CTNNA3: variants seen among roughly 807,000 people sequenced by gnomAD.
The protein encoded by CTNNA3 is catenin alpha 3, also known as catenin alpha-3.
Under a neutral mutation model 95.7 loss-of-function variants are expected in CTNNA3, and 76 were observed. That is an observed-to-expected ratio of 0.79 (90% confidence interval 0.66 to 0.96). CTNNA3 has a LOEUF of 0.96. Among genes scored for constraint, CTNNA3 ranks in the 40% least tolerant of loss-of-function variants. CTNNA3 has a pLI of 0.00. For synonymous variants in CTNNA3, 431 were observed against 374.4 expected, an observed-to-expected ratio of 1.15 and a Z score of -1.74; for missense variants, 1,191 against 1,089.8, an observed-to-expected ratio of 1.09 and a Z score of -1.31.
chr10:67,002,625 C>T (rs1194757769), intron 7 of CTNNA3, among the ~76,000 whole-genome samples: 4 of 152,112 alleles, frequency 2.6e-5, no homozygotes, highest in Admixed American at 2.0e-4. Context: ...TGTTTAATGG[C>T]TCTAATGGCT....
chr10:67,120,120 T>C (rs1859387148), intron 7 of CTNNA3, among the ~76,000 whole-genome samples: 1 of 151,894 alleles, frequency 6.6e-6, no homozygotes, highest in Non-Finnish European at 1.5e-5. Flanking sequence ...AAGTCAGATC[T>C]GCAAATCCAC....
intron 9 of CTNNA3, among the ~76,000 whole-genome samples, chr10:66,719,831 A>G (rs923986606): frequency 1.3e-5 from 2 of 152,110 alleles, no homozygotes; most frequent in African/African-American, 4.8e-5. Flanking sequence ...TTTGGCCTCA[A>G]TGGTAGCAGC....
At chr10:66,685,298 T>C (rs1186141164) in intron 9 of CTNNA3, among the ~76,000 whole-genome samples, 19 of 92,466 alleles carry the variant, frequency 2.1e-4, no homozygotes, top group African/African-American at 5.1e-4. Context: ...TATATATGTG[T>C]GTATATATAT....
At chr10:66,411,434 T>C (rs778990796) in intron 11 of CTNNA3, among the ~76,000 whole-genome samples, 2 of 151,976 alleles carry the variant, frequency 1.3e-5, no homozygotes, top group Non-Finnish European at 2.9e-5. Context: ...ATCATTACTA[T>C]ATTATATAAA....
chr10:66,917,740 T>C (rs1399630747), intron 7 of CTNNA3, among the ~76,000 whole-genome samples: 1 of 152,182 alleles, frequency 6.6e-6, no homozygotes, highest in Non-Finnish European at 1.5e-5. Flanking sequence ...GTTGAAACTA[T>C]TATATACAGT....
intron 11 of CTNNA3, among the ~76,000 whole-genome samples, chr10:66,419,574 A>C (rs1474139572): frequency 6.6e-6 from 1 of 152,174 alleles, no homozygotes; most frequent in African/African-American, 2.4e-5. Flanking sequence ...AATAACCAGA[A>C]TATCCAAAGC....
At chr10:67,680,939 T>C (rs1840614387) in intron 1 of CTNNA3, among the ~76,000 whole-genome samples, 1 of 152,150 alleles carries the variant, frequency 6.6e-6, no homozygotes, top group Non-Finnish European at 1.5e-5. Context: ...AATCAATGGC[T>C]CACTTTCTTA....
rs57644952 is a variant in CTNNA3, at chr10:66,170,241, CTT to C, written c.1885-66994_1885-66993del. On this transcript the variant is annotated intron_variant, in intron 13 of 17. Coordinates refer to ENST00000433211, the MANE Select transcript of CTNNA3 (RefSeq NM_013266.4). Reference sequence around the variant, plus strand: ...CCAGTTGCATTCTCCTCCTCATTGTCTTTTTTTTTTTTTTTTTTTTTTTTTAG... The same window carrying C: ...CCAGTTGCATTCTCCTCCTCATTGTCTTTTTTTTTTTTTTTTTTTTTTTAG... Among the ~76,000 whole-genome samples, 360 of 73,324 alleles carry C rather than the reference CTT, an allele frequency of 4.9e-3. 5 individuals are homozygous for C. The highest frequency in any genetic ancestry group is 0.041 in the East Asian group (95 of 2,298). The allele number at this position is 73,324 out of a possible 152,430, so 48.1% of individuals were successfully genotyped here.
At chr10:66,023,128 A>G (rs1383988692) in intron 15 of CTNNA3, among the ~76,000 whole-genome samples, 1 of 152,224 alleles carries the variant, frequency 6.6e-6, no homozygotes, top group African/African-American at 2.4e-5. Flanking sequence ...AACAAAACAT[A>G]TCATGAACTT....
chr10:66,675,135 A>G (rs7912799), intron 9 of CTNNA3, among the ~76,000 whole-genome samples: 83,534 of 151,308 alleles, frequency 0.55, 23,734 homozygotes, highest in African/African-American at 0.68. Flanking sequence ...TTCTGCTGGA[A>G]AGACTGTCTA....
chr10:67,029,010 T>A (rs1213150227), intron 7 of CTNNA3, among the ~76,000 whole-genome samples: 3 of 152,186 alleles, frequency 2.0e-5, no homozygotes, highest in Admixed American at 2.0e-4. Context: ...CTAAGTGTTT[T>A]CTCTGTGCTT....
At chr10:66,199,987 C>A (rs1349363739) in intron 13 of CTNNA3, among the ~76,000 whole-genome samples, 1 of 149,768 alleles carries the variant, frequency 6.7e-6, no homozygotes, top group African/African-American at 2.5e-5. Context: ...CTATGGGCAT[C>A]AAATGAACAG....
chr10:67,518,076 A>T (rs537569759), intron 5 of CTNNA3, among the ~76,000 whole-genome samples: 26 of 152,102 alleles, frequency 1.7e-4, no homozygotes, highest in Non-Finnish European at 3.2e-4. Context: ...AAAGCAAGCT[A>T]TTTAAGTTAG....
intron 9 of CTNNA3, among the ~76,000 whole-genome samples, chr10:66,644,412 C>G (rs1327800834): frequency 1.4e-5 from 2 of 146,820 alleles, no homozygotes. Context: ...TATTTTGAGA[C>G]CAAGTCTCTT....
At chr10:66,596,537 CA>C (rs1174951775) in intron 10 of CTNNA3, among the ~76,000 whole-genome samples, 2 of 152,100 alleles carry the variant, frequency 1.3e-5, no homozygotes, top group Non-Finnish European at 2.9e-5. Context: ...CTCTTAGCAA[CA>C]AGCCTGGCTT....
intron 13 of CTNNA3, among the ~76,000 whole-genome samples, chr10:66,232,764 A>T (rs2089648864): frequency 6.6e-6 from 1 of 152,196 alleles, no homozygotes; most frequent in Admixed American, 6.5e-5. Context: ...TTGAAGTAAA[A>T]AGAGAAAAGA....
At position 67,076,809 on chromosome 10, in the gene CTNNA3, C is replaced by T. The variant is rs1856772027; in HGVS notation, c.1047+103508G>A. Among the ~76,000 whole-genome samples, 2 of 152,104 alleles carry T rather than the reference C, an allele frequency of 1.3e-5. 1 individual carries two copies. Among genetic ancestry groups the T allele is most frequent in the South Asian group, 4.1e-4 (2 of 4,834 alleles). On this transcript the variant is annotated intron_variant, in intron 7 of 17. Transcript: ENST00000433211. ...TGTTCAACTTACCTTTAGAAAAATG[C>T]TCTACTGAAATAAAATCAATTGACA... is the stretch of plus-strand genomic sequence containing the variant.
intron 5 of CTNNA3, among the ~76,000 whole-genome samples, chr10:67,246,733 TC>T (rs1865923787): frequency 6.6e-6 from 1 of 152,180 alleles, no homozygotes; most frequent in African/African-American, 2.4e-5. Flanking sequence ...GAGACATGGA[TC>T]TTTAAATGAT....
At chr10:67,092,540 T>C (rs1000991627) in intron 7 of CTNNA3, among the ~76,000 whole-genome samples, 6 of 152,006 alleles carry the variant, frequency 3.9e-5, no homozygotes, top group South Asian at 2.1e-4. Context: ...TGTTCATATA[T>C]ATACAAAGAT....
Sources: allele counts gnomAD v4.1 joint callset (sites outside exome capture counted in the v4.1 genomes callset), GRCh38; gene constraint gnomAD v4.1.1; transcripts MANE v1.5; gene names NCBI Gene and HGNC (gene_info 2026-07-23, HGNC 2026-07-21).